Variants in DCHS2 observed in about 807,000 individuals in gnomAD.
DCHS2 encodes protocadherin-23.
A neutral mutation model predicts 182.4 loss-of-function variants in DCHS2; 142 were observed. The ratio of observed to expected loss-of-function variants is 0.78; its 90% confidence interval spans 0.68 to 0.89. DCHS2 has a LOEUF of 0.89. Among genes scored for constraint, DCHS2 ranks in the 40% least tolerant of loss-of-function variants. The pLI, the probability that DCHS2 is intolerant of heterozygous loss-of-function variation, is 0.00. For synonymous variants in DCHS2, 1,740 were observed against 1,663.3 expected, an observed-to-expected ratio of 1.05 and a Z score of -1.12; for missense variants, 4,319 against 4,198.6, an observed-to-expected ratio of 1.03 and a Z score of -0.79.
intron 1 of DCHS2, among the ~76,000 whole-genome samples, chr4:154,389,516 T>TTATATATATATATATATCTATATA (rs1731577811): frequency 9.0e-6 from 1 of 111,132 alleles, no homozygotes; most frequent in Non-Finnish European, 2.0e-5. Flanking sequence ...AAGACAAAGG[T>TTATATATATATATATATCTATATA]TATATATATA....
chr4:154,338,811 A>C (rs930852259), intron 3 of DCHS2, among the ~76,000 whole-genome samples: 5 of 152,230 alleles, frequency 3.3e-5, no homozygotes, highest in African/African-American at 9.6e-5. Flanking sequence ...ATTTTATGTG[A>C]AAAACAAGTT....
At chr4:154,486,912 G>T (rs1035498290) in intron 1 of DCHS2, among the ~76,000 whole-genome samples, 5 of 152,128 alleles carry the variant, frequency 3.3e-5, no homozygotes, top group African/African-American at 4.8e-5. Context: ...TTGGCAACCT[G>T]GAAAGGTTTG....
chr4:154,368,666 A>T (rs997173186), intron 2 of DCHS2, among the ~76,000 whole-genome samples: 1 of 152,036 alleles, frequency 6.6e-6, no homozygotes. Context: ...ACAGGCACAC[A>T]CCACCACACC....
intron 9 of DCHS2, among the ~76,000 whole-genome samples, chr4:154,316,514 G>A (rs893975770): frequency 3.3e-5 from 5 of 151,976 alleles, no homozygotes; most frequent in East Asian, 1.9e-4. Context: ...TGGGTGTGGC[G>A]GCTTACACTT....
Position 154,489,677 on chromosome 4 carries a change from C to T in DCHS2, c.1679G>A (p.Trp560Ter), listed in dbSNP as rs1433638646. The change falls in exon 1 of 20, where the codon TGG becomes TAG. Residue 560 changes from tryptophan to a stop codon, truncating the protein, a stop_gained. Transcript: ENST00000357232. LOFTEE classifies it high-confidence loss of function. ...CTCGTCGGCATCGGAGGCGCTGACC[C>T]ACATGACTACAGTGCCAGGGGCCGC... Reference protein sequence around the residue: ...EAAAPGTVVMWVSASDADEAG... With the variant: ...EAAAPGTVVM The T allele has an allele frequency of 7.7e-6, 12 of 1,551,672 alleles. No individual in the cohort carries two copies. The highest frequency in any genetic ancestry group is 1.7e-4 in the Middle Eastern group (1 of 5,992).
intron 1 of DCHS2, among the ~76,000 whole-genome samples, chr4:154,412,186 T>C (rs1483315985): frequency 8.5e-5 from 13 of 152,166 alleles, no homozygotes; most frequent in Non-Finnish European, 1.5e-4. Flanking sequence ...TGCTAAGATC[T>C]CTTTTTCCAA....
intron 3 of DCHS2, among the ~76,000 whole-genome samples, chr4:154,342,821 G>T (rs1179290571): frequency 2.0e-5 from 3 of 152,014 alleles, no homozygotes; most frequent in Admixed American, 6.6e-5. Flanking sequence ...AATCACAAAT[G>T]TTCTTAATGG....
chr4:154,383,887 G>GA (rs144956835), intron 1 of DCHS2, among the ~76,000 whole-genome samples: 2,066 of 150,374 alleles, frequency 0.014, 42 homozygotes, highest in African/African-American at 0.048. Context: ...AGTTCTAGTG[G>GA]AAAAAAAAAT....
chr4:154,453,842 T>A (rs904138234), intron 1 of DCHS2, among the ~76,000 whole-genome samples: 8 of 152,190 alleles, frequency 5.3e-5, no homozygotes, highest in Non-Finnish European at 1.2e-4. Context: ...ACTGACATAA[T>A]AATCAATAGT....
At chr4:154,420,633 C>A (rs1342416051) in intron 1 of DCHS2, among the ~76,000 whole-genome samples, 1 of 152,154 alleles carries the variant, frequency 6.6e-6, no homozygotes, top group Admixed American at 6.5e-5. Context: ...ATTCACCTTT[C>A]TTCTGCTTTT....
At chr4:154,403,353 T>G (rs1368420544) in intron 1 of DCHS2, among the ~76,000 whole-genome samples, 1 of 152,206 alleles carries the variant, frequency 6.6e-6, no homozygotes, top group East Asian at 1.9e-4. Flanking sequence ...CTGTTTTATT[T>G]TAATCTCAAA....
chr4:154,305,264 C>G (rs777325674), intron 10 of DCHS2, 33 bp from the exon 11 acceptor site: 1 of 1,592,398 alleles, frequency 6.3e-7, no homozygotes, highest in East Asian at 2.3e-5. Context: ...ACTTAGCAAT[C>G]ATTTCTTTGA....
Position 154,320,374 on chromosome 4 carries a change from T to C in DCHS2, c.5020+5A>G. The C allele has an allele frequency of 6.2e-7, 1 of 1,611,380 alleles. No individual in the cohort carries two copies. The highest frequency in any genetic ancestry group is 2.2e-5 in the East Asian group (1 of 44,872). The stretch of plus-strand genomic sequence containing the variant: ...TTTTTAAAAGTGACATATAGGGCAC[T>C]GTACCTGATGACTCATCTAGCATAA... On this transcript the variant is annotated splice_donor_5th_base_variant and intron_variant, in intron 9 of 19. Coordinates refer to ENST00000357232, the MANE Select transcript of DCHS2 (RefSeq NM_001358235.2).
chr4:154,386,047 C>T (rs1250314923), intron 1 of DCHS2, among the ~76,000 whole-genome samples: 2 of 152,130 alleles, frequency 1.3e-5, no homozygotes, highest in Admixed American at 1.3e-4. Flanking sequence ...ATTCCCACCC[C>T]ACTCCACCCC....
chr4:154,486,099 G>A (rs1396299373), intron 1 of DCHS2, among the ~76,000 whole-genome samples: 2 of 152,214 alleles, frequency 1.3e-5, no homozygotes, highest in Non-Finnish European at 2.9e-5. Context: ...GAGACAGGCA[G>A]GGACTGAGTT....
chr4:154,377,413 T>C lies in DCHS2; in HGVS notation c.2084A>G (p.Tyr695Cys), dbSNP rs1416038121. The C allele has an allele frequency of 6.8e-6, 11 of 1,613,164 alleles. No individual in the cohort carries two copies. Among genetic ancestry groups the C allele is most frequent in the East Asian group, 4.5e-5 (2 of 44,858 alleles). ...VTASDADSGL[Y>C]GFIEYSLYDG... is the part of the protein sequence containing the mutation. The stretch of plus-strand genomic sequence containing the variant: ...ATAAAGAGAATATTCAATAAAGCCA[T>C]AGAGTCCTGAATCTGCATCAGAGGC... The change falls in exon 2 of 20, where the codon TAT becomes TGT. Residue 695 changes from tyrosine (Y) to cysteine (C), a missense_variant. By Grantham distance (194) the Tyr-to-Cys change is radical (BLOSUM62 -2). Coordinates refer to ENST00000357232, the MANE Select transcript of DCHS2 (RefSeq NM_001358235.2).
chr4:154,352,995 C>G (rs544878629), intron 3 of DCHS2, among the ~76,000 whole-genome samples: 2 of 152,206 alleles, frequency 1.3e-5, no homozygotes, highest in African/African-American at 4.8e-5. Context: ...GCTTCTGTAT[C>G]CCCAGTAGAT....
In DCHS2 at chr4:154,305,585, C is replaced by T. The variant is rs143795761; in HGVS notation, c.5261-354G>A. On this transcript the variant is annotated intron_variant, in intron 10 of 19. Coordinates refer to ENST00000357232, the MANE Select transcript of DCHS2 (RefSeq NM_001358235.2). ...ATTTAATGACTTAATTGTAAGCTTG[C>T]AGGGCAAATGACAATTTCTGTAGAT... Among the ~76,000 whole-genome samples, 12 of 152,282 alleles carry T rather than the reference C, an allele frequency of 7.9e-5. No individual in the cohort carries two copies. The East Asian group carries it at 2.3e-3, about 29-fold the overall frequency.
At chr4:154,331,569 CT>C in intron 5 of DCHS2, 4 of 1,599,310 alleles carry the variant, frequency 2.5e-6, no homozygotes, top group Non-Finnish European at 3.4e-6. Context: ...CCTCCATCTG[CT>C]GTGAAAGGTC....
Sources: allele counts gnomAD v4.1 joint callset (sites outside exome capture counted in the v4.1 genomes callset), GRCh38; gene constraint gnomAD v4.1.1; transcripts MANE v1.5; gene names NCBI Gene and HGNC (gene_info 2026-07-23, HGNC 2026-07-21).